The following ELP3 variants were observed in gnomAD, a reference collection of about 807,000 sequenced individuals.
The protein encoded by ELP3 is elongator acetyltransferase complex subunit 3.
In ELP3, 56 loss-of-function variants were observed where a neutral mutation model predicts 74.9. The observed-to-expected ratio is 0.75, with a 90% CI of 0.60 to 0.93. The LOEUF (loss-of-function observed/expected upper bound fraction) is 0.93. Among genes scored for constraint, ELP3 ranks in the 40% least tolerant of loss-of-function variants. The pLI is 0.00. For synonymous variants in ELP3, 222 were observed against 239.8 expected (o/e 0.93, Z 0.68); for missense variants, 573 against 686.5 (o/e 0.83, Z 1.85).
intron 14 of ELP3, among the ~76,000 whole-genome samples, chr8:28,177,834 T>C (rs1046658931): frequency 2.0e-5 from 3 of 152,218 alleles, no homozygotes; most frequent in Admixed American, 1.3e-4. Context: ...GATAAAACTC[T>C]TCAATTTCCA....
In ELP3 at chr8:28,137,771, G is replaced by A. The variant is rs1293764216; in HGVS notation, c.980G>A (p.Gly327Glu). ...LYPTLVIRGT[G>E]LYELWKSGRY... Reference sequence around the variant, plus strand: ...CCTACCCTGGTGATTCGTGGGACCGGGCTTTATGAGCTTTGGAAATCAGGA... The same window carrying A: ...CCTACCCTGGTGATTCGTGGGACCGAGCTTTATGAGCTTTGGAAATCAGGA... The change falls in exon 10 of 15, where the codon GGG becomes GAG. Residue 327 changes from glycine to glutamate, a missense_variant. Gly to Glu is a moderately conservative substitution (Grantham distance 98). Transcript: ENST00000256398. The A allele has an allele frequency of 6.2e-7, 1 of 1,614,018 alleles. No individual in the cohort carries two copies. Among genetic ancestry groups the A allele is most frequent in the South Asian group, 1.1e-5 (1 of 91,050 alleles).
rs932138605 is a variant in ELP3, at chr8:28,147,599, T to A, written c.1101-8343T>A. On this transcript the variant is annotated intron_variant, in intron 10 of 14. Transcript: ENST00000256398. The surrounding 1 kb of genome is among the most constrained non-coding windows in gnomAD (Gnocchi z 4.5). ...AAAAATTTATATATAGAAATAGTTA[T>A]AGCGTGTATGTTTATATATATAAAT... Among the ~76,000 whole-genome samples, 1 of 152,236 alleles carries A rather than the reference T, an allele frequency of 6.6e-6. No individual in the cohort carries two copies. Among genetic ancestry groups the A allele is most frequent in the South Asian group, 2.1e-4 (1 of 4,836 alleles).
At chr8:28,101,590 CTT>C (rs11406521) in intron 3 of ELP3, among the ~76,000 whole-genome samples, 50 of 142,914 alleles carry the variant, frequency 3.5e-4, no homozygotes, top group Middle Eastern at 3.7e-3. Flanking sequence ...TCTTGACTTT[CTT>C]TTTTTTTTTT....
chr8:28,184,595 T>C (rs1232628103), intron 14 of ELP3, among the ~76,000 whole-genome samples: 1 of 152,216 alleles, frequency 6.6e-6, no homozygotes, highest in African/African-American at 2.4e-5. Context: ...TTTCTGGTTA[T>C]CCAAGGACTG....
chr8:28,183,213 G>C (rs1262108142), intron 14 of ELP3: 1 of 462,396 alleles, frequency 2.2e-6, no homozygotes, highest in East Asian at 6.4e-5. Context: ...TCCTGGGGCA[G>C]AGGCAGAGGG....
chr8:28,102,837 T>C (rs747526545), intron 3 of ELP3, among the ~76,000 whole-genome samples: 1 of 152,228 alleles, frequency 6.6e-6, no homozygotes, highest in Non-Finnish European at 1.5e-5. Context: ...ATGTATCCAC[T>C]ATTACTGTGT....
rs763484686 is a variant in ELP3, at chr8:28,158,553, A to G, written c.1192-15A>G. 1 of 1,386,182 alleles carries G rather than the reference A, an allele frequency of 7.2e-7. No homozygotes were observed. The highest frequency in any genetic ancestry group is 2.7e-5 in the East Asian group (1 of 36,896). The allele number at this position is 1,386,182 out of a possible 1,614,324, so 85.9% of individuals were successfully genotyped here. On this transcript the variant is annotated splice_polypyrimidine_tract_variant and intron_variant, in intron 11 of 14. Coordinates refer to ENST00000256398, the MANE Select transcript of ELP3 (RefSeq NM_018091.6). ...CCCACCCCCCAACCCCGCTCACGCCATTTTTTTTTGACAGTGTCGAGATGT... is the reference window on the plus strand; with the variant it reads ...CCCACCCCCCAACCCCGCTCACGCCGTTTTTTTTTGACAGTGTCGAGATGT...
intron 7 of ELP3, among the ~76,000 whole-genome samples, chr8:28,115,477 A>G (rs1403554713): frequency 2.0e-5 from 3 of 152,214 alleles, no homozygotes; most frequent in Admixed American, 2.0e-4. Context: ...CTTAGAGCTG[A>G]GGAGGAAAGG....
At chr8:28,129,230 A>G (rs978849270) in intron 7 of ELP3, 1 of 323,718 alleles carries the variant, frequency 3.1e-6, no homozygotes, top group East Asian at 5.0e-5. Flanking sequence ...TAACATTACT[A>G]TGCTAGCTCA....
chr8:28,099,619 T>C (rs758445898), intron 2 of ELP3, among the ~76,000 whole-genome samples: 25 of 152,236 alleles, frequency 1.6e-4, no homozygotes, highest in Non-Finnish European at 2.9e-4. Context: ...CTGGTTTTCT[T>C]TCTGGTACTC....
intron 10 of ELP3, 78 bp from the exon 11 acceptor site, chr8:28,155,864 T>G: frequency 8.2e-7 from 1 of 1,219,534 alleles, no homozygotes; most frequent in South Asian, 1.4e-5. Context: ...TCTTTTTAAC[T>G]TTTTTAATAT....
intron 7 of ELP3, among the ~76,000 whole-genome samples, chr8:28,126,603 C>G (rs1314834488): frequency 6.6e-6 from 1 of 152,062 alleles, no homozygotes; most frequent in Non-Finnish European, 1.5e-5. Flanking sequence ...CTTGTAGCCC[C>G]CAAAGAGGTA....
intron 9 of ELP3, among the ~76,000 whole-genome samples, chr8:28,134,169 C>T (rs188150049): frequency 1.3e-5 from 2 of 152,290 alleles, no homozygotes; most frequent in Admixed American, 1.3e-4. Flanking sequence ...GTGTGAAACA[C>T]ACTGTTCTTT....
At chr8:28,159,529 C>G (rs186666109) in intron 12 of ELP3, among the ~76,000 whole-genome samples, 10 of 152,274 alleles carry the variant, frequency 6.6e-5, no homozygotes, top group Non-Finnish European at 1.3e-4. Context: ...GTATACTTTT[C>G]TCTGTGCGTG....
intron 3 of ELP3, among the ~76,000 whole-genome samples, chr8:28,102,644 T>A (rs190562539): frequency 6.6e-6 from 1 of 152,362 alleles, no homozygotes; most frequent in East Asian, 1.9e-4. Flanking sequence ...AAAAAATTTA[T>A]ACACTTCCTC....
chr8:28,163,294 A>G (rs902340671), intron 14 of ELP3, among the ~76,000 whole-genome samples: 1 of 152,224 alleles, frequency 6.6e-6, no homozygotes, highest in Non-Finnish European at 1.5e-5. Flanking sequence ...TTTTCCCATT[A>G]GACTACTACA....
chr8:28,114,310 C>A (rs1277662612), intron 7 of ELP3, among the ~76,000 whole-genome samples: 1 of 151,998 alleles, frequency 6.6e-6, no homozygotes, highest in African/African-American at 2.4e-5. Flanking sequence ...ATGGTTAGAT[C>A]CTGTGTTAAT....
At chr8:28,134,496 T>C (rs773554127) in intron 9 of ELP3, among the ~76,000 whole-genome samples, 4 of 152,212 alleles carry the variant, frequency 2.6e-5, no homozygotes, top group Non-Finnish European at 5.9e-5. Flanking sequence ...AAATCTGAGT[T>C]CTTTCTAGAG....
At chr8:28,092,937 A>G (rs1256716824), upstream of ELP3, 9 of 587,302 alleles carry the variant, frequency 1.5e-5, no homozygotes, top group South Asian at 3.8e-5. Context: ...GAGCTTTCTA[A>G]CCCCAAGATG....
Sources: allele counts gnomAD v4.1 joint callset (sites outside exome capture counted in the v4.1 genomes callset), GRCh38; gene constraint gnomAD v4.1.1; non-coding constraint Gnocchi (gnomAD v3.1); transcripts MANE v1.5; gene names NCBI Gene and HGNC (gene_info 2026-07-23, HGNC 2026-07-21).